The following DNAH11 variants were observed in gnomAD, a reference collection of about 807,000 sequenced individuals.
The protein encoded by DNAH11 is dynein axonemal heavy chain 11.
Under a neutral mutation model 526.0 loss-of-function variants are expected in DNAH11, and 442 were observed. The observed-to-expected ratio is 0.84, with a 90% CI of 0.78 to 0.91. The LOEUF (loss-of-function observed/expected upper bound fraction) is 0.91. Ranked by LOEUF, DNAH11 falls within the 40% of genes least tolerant of loss-of-function variation. The probability of loss-of-function intolerance (pLI) is 0.00; values close to 1 mark genes in which losing one functional copy is unlikely to be tolerated. For missense variants in DNAH11, 6,989 were observed against 5,448.7 expected (o/e 1.28, Z -8.90); for synonymous variants, 2,461 against 1,935.9 (o/e 1.27, Z -7.12).
rs1056235959 is a variant in DNAH11, at chr7:21,854,466, A to T, written c.11202+11A>T. On this transcript the variant is annotated intron_variant, in intron 68 of 81. Transcript: ENST00000409508. ...CAATTCTCTTTGAAGGTAATGCTGA[A>T]TGAGCTAAGAAATATGGGAAACTTT... 6.2e-7 allele frequency: 1 copy of T among 1,610,992 alleles called. No individual in the cohort carries two copies. Among genetic ancestry groups the T allele is most frequent in the Non-Finnish European group, 8.5e-7 (1 of 1,178,882 alleles).
At position 21,636,063 on chromosome 7, in the gene DNAH11, A is replaced by G. The variant is rs1393114408; in HGVS notation, c.4693A>G (p.Arg1565Gly). ...TCGAATCCAGCTTGTGAAAGATGCT[A>G]GAAGATTTGATGGGGTGGATGCTGA... is the stretch of plus-strand genomic sequence containing the variant. ...DIRIQLVKDA[R>G]RFDGVDAEFK... The change falls in exon 26 of 82, where the codon AGA (arginine) becomes GGA (glycine). Residue 1565 changes from arginine (R) to glycine (G), a missense_variant. Physicochemically the swap from Arg to Gly is moderately radical, Grantham distance 125 (BLOSUM62 -2). Transcript: ENST00000409508. 6.2e-7 allele frequency: 1 copy of G among 1,613,084 alleles called. No homozygotes were observed. Among genetic ancestry groups the G allele is most frequent in the East Asian group, 2.2e-5 (1 of 44,854 alleles).
intron 61 of DNAH11, among the ~76,000 whole-genome samples, chr7:21,797,029 A>G (rs1380193457): frequency 1.3e-5 from 2 of 152,196 alleles, no homozygotes; most frequent in Non-Finnish European, 1.5e-5. Flanking sequence ...TCAGATTAAA[A>G]TAGATGAAGG....
intron 54 of DNAH11, among the ~76,000 whole-genome samples, chr7:21,751,332 A>G (rs1475703378): frequency 1.3e-5 from 2 of 152,156 alleles, no homozygotes; most frequent in Admixed American, 6.5e-5. Flanking sequence ...TCAAAAAACA[A>G]AAGAAGTAAT....
chr7:21,598,598 TAAATAA>T lies in DNAH11; in HGVS notation c.2668-1187_2668-1182del, dbSNP rs1276015439. Among the ~76,000 whole-genome samples the T allele has an allele frequency of 2.7e-4, 29 of 107,438 alleles. No homozygotes were observed. In the East Asian group the frequency reaches 9.0e-3, roughly 33 times the overall value. The allele number at this position is 107,438 out of a possible 152,430, so 70.5% of individuals were successfully genotyped here. On this transcript the variant is annotated intron_variant, in intron 14 of 81. Transcript: ENST00000409508. ...TAGATGGTATGCAAAAATAAATAAATAAATAAATAAATAAATAAATAAATAAATTGT... is the reference window on the plus strand; with the variant it reads ...TAGATGGTATGCAAAAATAAATAAATATAAATAAATAAATAAATAAATTGT...
At chr7:21,642,070 A>G (rs1583556079) in intron 28 of DNAH11, among the ~76,000 whole-genome samples, 1 of 152,320 alleles carries the variant, frequency 6.6e-6, no homozygotes, top group South Asian at 2.1e-4. Context: ...AAACATGCTT[A>G]CAGTTTTGAC....
Position 21,872,123 on chromosome 7 carries a change from C to CAAAAAAAAA in DNAH11, c.11968-1133_11968-1125dup, listed in dbSNP as rs776718319. On this transcript the variant is annotated intron_variant, in intron 73 of 81. Transcript: ENST00000409508. ...TGGGTGACAGAGCGAGACTCTGTCTCAAAAAAAAAAAAAAAAAAAAAAAAA... is the reference window on the plus strand; with the variant it reads ...TGGGTGACAGAGCGAGACTCTGTCTCAAAAAAAAAAAAAAAAAAAAAAAAAAAAAAAAAA... Among the ~76,000 whole-genome samples, 24 of 30,824 alleles carry CAAAAAAAAA rather than the reference C, an allele frequency of 7.8e-4. 2 individuals are homozygous for CAAAAAAAAA. Among genetic ancestry groups the CAAAAAAAAA allele is most frequent in the Admixed American group, 2.0e-3 (3 of 1,522 alleles). The allele number at this position is 30,824 out of a possible 152,430, so 20.2% of individuals were successfully genotyped here.
rs1789799390 is a variant in DNAH11, at chr7:21,816,523, T to C, written c.10389T>C (p.Ala3463=). The change falls in exon 64 of 82, where the codon GCT becomes GCC. Residue 3463 remains alanine, a synonymous_variant. Coordinates refer to ENST00000409508, the MANE Select transcript of DNAH11 (RefSeq NM_001277115.2). ...TGATATCCATGTTGACGGATGATGCTACAATTGCCGCCTGGAATAACGAAG... is the reference window on the plus strand; with the variant it reads ...TGATATCCATGTTGACGGATGATGCCACAATTGCCGCCTGGAATAACGAAG... ...LDLISMLTDD[A]TIAAWNNEGL... The C allele has an allele frequency of 1.9e-6, 3 of 1,612,390 alleles. No individual in the cohort carries two copies. Among genetic ancestry groups the C allele is most frequent in the Non-Finnish European group, 2.5e-6 (3 of 1,179,460 alleles).
rs756809691 is a variant in DNAH11 at position 21,702,719 on chromosome 7, G to A, written c.6190G>A (p.Asp2064Asn). 1.3e-5 allele frequency: 21 copies of A among 1,613,214 alleles called. No homozygotes were observed. The highest frequency in any genetic ancestry group is 7.7e-5 in the South Asian group (7 of 90,978). ...CCTGTTTTGATTTTAGGATCATTAC[G>A]ACTGGGGACTTCGTGCTATTAAGTC... ...KELLSKQDHYDWGLRAIKSVL... is the reference protein window; with the variant it reads ...KELLSKQDHYNWGLRAIKSVL... Residue 2064 changes from aspartate to asparagine, a missense_variant, in exon 37 of 82, where the codon GAC (aspartate) becomes AAC (asparagine). Physicochemically the swap from Asp to Asn is conservative, Grantham distance 23. Coordinates refer to ENST00000409508, the MANE Select transcript of DNAH11 (RefSeq NM_001277115.2).
chr7:21,750,224 G>C lies in DNAH11; in HGVS notation c.8800G>C (p.Glu2934Gln). 1 of 1,593,440 alleles carries C rather than the reference G, an allele frequency of 6.3e-7. No homozygotes were observed. The highest frequency in any genetic ancestry group is 8.5e-7 in the Non-Finnish European group (1 of 1,172,108). ...VLINDLLASGEIPDLFSDEDV... is the reference protein window; with the variant it reads ...VLINDLLASGQIPDLFSDEDV... ...ATTCTACTCATTCTTTGGGGCAGGA[G>C]AAATCCCAGATCTGTTCAGCGATGA... Residue 2934 changes from glutamate to glutamine, a missense_variant and splice_region_variant, in exon 54 of 82, where the codon GAA becomes CAA. Physicochemically the swap from Glu to Gln is conservative, Grantham distance 29 (BLOSUM62 2). Transcript: ENST00000409508.
chr7:21,635,051 G>A (rs6959279), intron 25 of DNAH11, among the ~76,000 whole-genome samples: 3,922 of 152,162 alleles, frequency 0.026, 152 homozygotes, highest in African/African-American at 0.09. Flanking sequence ...ACAAAAACAA[G>A]CACTGGTGAT....
At position 21,591,549 on chromosome 7, in the gene DNAH11, A is replaced by G; in HGVS notation, c.2639A>G (p.Asp880Gly). Residue 880 changes from aspartate (D) to glycine (G), a missense_variant, in exon 14 of 82, where the codon GAT (aspartate) becomes GGT (glycine). Asp to Gly is a moderately conservative substitution (Grantham distance 94). Transcript: ENST00000409508. ...FTKKYKLIQG[D>G]GCKIHNLVEE... ...AAAAAATACAAGTTAATCCAAGGAG[A>G]TGGCTGCAAGATCCACAACTTGGTC... is the stretch of plus-strand genomic sequence containing the variant. 2.5e-6 allele frequency: 4 copies of G among 1,581,148 alleles called. No homozygotes were observed. The highest frequency in any genetic ancestry group is 8.6e-7 in the Non-Finnish European group (1 of 1,159,224).
chr7:21,843,407 A>G (rs996073676), intron 66 of DNAH11, among the ~76,000 whole-genome samples: 4 of 152,094 alleles, frequency 2.6e-5, no homozygotes, highest in Admixed American at 1.3e-4. Flanking sequence ...ATAAAAGGCA[A>G]GTAAGGGAAG....
chr7:21,561,826 T>C (rs11772101), intron 5 of DNAH11, among the ~76,000 whole-genome samples: 51,534 of 152,114 alleles, frequency 0.34, 9,115 homozygotes, highest in East Asian at 0.42. Context: ...TGGATATACA[T>C]GATACTGTGG....
rs140117045 is a variant in DNAH11, at chr7:21,842,623, C to T, written c.10771C>T (p.His3591Tyr). 44 of 1,613,954 alleles carry T rather than the reference C, an allele frequency of 2.7e-5. No homozygotes were observed. The African/African-American group carries it at 2.8e-4, about 10-fold the overall frequency. ...LILHTKLANP[H>Y]YKPELQAQTT... ...CCTTCACACAAAATTGGCAAATCCTCACTATAAGCCGGAATTACAAGCTCA... is the reference window on the plus strand; with the variant it reads ...CCTTCACACAAAATTGGCAAATCCTTACTATAAGCCGGAATTACAAGCTCA... Residue 3591 changes from histidine to tyrosine, a missense_variant, in exon 66 of 82, where the codon CAC (histidine) becomes TAC (tyrosine). Transcript: ENST00000409508.
intron 3 of DNAH11, among the ~76,000 whole-genome samples, 162 bp downstream of exon 3, chr7:21,559,160 CAAATA>C (rs1455517033): frequency 5.3e-5 from 8 of 152,076 alleles, no homozygotes; most frequent in African/African-American, 1.9e-4. Flanking sequence ...CTCATCTCCA[CAAATA>C]AAATAAAATG....
At chr7:21,712,104 A>G (rs1049433640) in intron 42 of DNAH11, among the ~76,000 whole-genome samples, 4 of 152,130 alleles carry the variant, frequency 2.6e-5, no homozygotes, top group Non-Finnish European at 1.5e-5. Context: ...AGACTACTCT[A>G]GGTACCGCAT....
chr7:21,649,088 CA>C (rs1256642056), intron 28 of DNAH11, among the ~76,000 whole-genome samples: 1 of 152,140 alleles, frequency 6.6e-6, no homozygotes, highest in Non-Finnish European at 1.5e-5. Context: ...TATACTTGCT[CA>C]TACAATGAGA....
chr7:21,654,282 A>C (rs546596118), intron 28 of DNAH11, among the ~76,000 whole-genome samples: 1 of 152,214 alleles, frequency 6.6e-6, no homozygotes, highest in East Asian at 1.9e-4. Context: ...TGCTGTCTGT[A>C]TCTATGGATT....
intron 23 of DNAH11, 57 bp downstream of exon 23, chr7:21,617,834 T>C: frequency 1.4e-6 from 2 of 1,474,372 alleles, no homozygotes; most frequent in Non-Finnish European, 1.8e-6. Context: ...TGTTACTTCT[T>C]GGTTTGCATC....
Sources: gnomAD v4.1 joint callset for allele counts (sites outside exome capture counted in the v4.1 genomes callset) on GRCh38, gnomAD v4.1.1 for gene constraint, MANE v1.5 for transcripts, NCBI Gene and HGNC (gene_info 2026-07-23, HGNC 2026-07-21) for gene names.